The following ANKH variants were observed in gnomAD, a reference collection of about 807,000 sequenced individuals.
ANKH encodes the protein mineralization regulator ANKH.
In ANKH, 15 loss-of-function variants were observed where a neutral mutation model predicts 49.0. That is an observed-to-expected ratio of 0.31 (90% CI 0.20 to 0.47). The LOEUF (loss-of-function observed/expected upper bound fraction) is 0.47, where lower values mean the gene tolerates loss of function less well. Among genes scored for constraint, ANKH ranks in the 20% least tolerant of loss-of-function variants. ANKH has a pLI of 1.00. For synonymous variants in ANKH, 273 were observed against 260.0 expected, an observed-to-expected ratio of 1.05 and a Z score of -0.48; for missense variants, 429 against 652.0, an observed-to-expected ratio of 0.66 and a Z score of 3.72.
chr5:14,741,670 C>T (rs1206613147), intron 8 of ANKH, 157 bp downstream of exon 8: 22 of 644,280 alleles, frequency 3.4e-5, no homozygotes, highest in Middle Eastern at 5.0e-4. Context: ...GAATAACAAT[C>T]GTTCACATTT....
chr5:14,790,253 G>A (rs148482740), intron 1 of ANKH, among the ~76,000 whole-genome samples: 16 of 152,230 alleles, frequency 1.1e-4, no homozygotes, highest in Admixed American at 3.3e-4. Flanking sequence ...GATAAAACAC[G>A]ACATAAACTA....
intron 1 of ANKH, among the ~76,000 whole-genome samples, chr5:14,839,798 G>A (rs1195638705): frequency 2.0e-5 from 3 of 152,088 alleles, no homozygotes; most frequent in Non-Finnish European, 4.4e-5. Flanking sequence ...GTGCATTTGA[G>A]GGTGTCTGTG....
At chr5:14,867,155 C>T (rs1482378389) in intron 1 of ANKH, among the ~76,000 whole-genome samples, 1 of 69,264 alleles carries the variant, frequency 1.4e-5, no homozygotes, top group African/African-American at 4.6e-5. Context: ...GACTCAGTCT[C>T]AAAAAAAAAA....
chr5:14,789,594 G>A lies in ANKH; in HGVS notation c.97-20403C>T, dbSNP rs1265471132. 3.3e-5 allele frequency among the ~76,000 whole-genome samples: 5 copies of A among 151,954 alleles called. No homozygotes were observed. The East Asian group carries it at 9.6e-4, about 29-fold the overall frequency. On this transcript the variant is annotated intron_variant, in intron 1 of 11. Coordinates refer to ENST00000284268, the MANE Select transcript of ANKH (RefSeq NM_054027.6). Reference sequence around the variant, plus strand: ...AGTAAATATTTCTTTCTATTTTATTGAGAATAAAAGGGAATCTCCTAAAAT... The same window carrying A: ...AGTAAATATTTCTTTCTATTTTATTAAGAATAAAAGGGAATCTCCTAAAAT...
At chr5:14,848,372 A>G (rs1265888749) in intron 1 of ANKH, among the ~76,000 whole-genome samples, 2 of 151,824 alleles carry the variant, frequency 1.3e-5, no homozygotes, top group Non-Finnish European at 2.9e-5. Context: ...GGACAATGAT[A>G]GGGATATAAA....
chr5:14,860,352 G>C (rs1735444189), intron 1 of ANKH, among the ~76,000 whole-genome samples: 1 of 152,190 alleles, frequency 6.6e-6, no homozygotes, highest in Non-Finnish European at 1.5e-5. Context: ...ACGAAGAGCT[G>C]AAAGTTACTG....
At chr5:14,820,002 C>T (rs936698384) in intron 1 of ANKH, among the ~76,000 whole-genome samples, 1 of 151,944 alleles carries the variant, frequency 6.6e-6, no homozygotes, top group Non-Finnish European at 1.5e-5. Context: ...GACACATGCC[C>T]ATATATTTTG....
rs1738215760 is a variant in ANKH, at chr5:14,737,235, A to C, written c.1011+4592T>G. On this transcript the variant is annotated intron_variant, in intron 8 of 11. Transcript: ENST00000284268. This position sits in a 1 kb window ranked among gnomAD's most constrained non-coding sequence, Gnocchi z 5.0. ...CACTCTTTTGGGACATTTCTTCCCC[A>C]CCAAAAGGACTGTTGGAAGATACAG... 6.6e-6 allele frequency among the ~76,000 whole-genome samples: 1 copy of C among 152,130 alleles called. No homozygotes were observed. The highest frequency in any genetic ancestry group is 1.5e-5 in the Non-Finnish European group (1 of 68,024).
chr5:14,732,639 G>A (rs1738042304), intron 8 of ANKH, among the ~76,000 whole-genome samples: 1 of 152,100 alleles, frequency 6.6e-6, no homozygotes, highest in Admixed American at 6.5e-5. Context: ...GTCATTCTTT[G>A]CATATAGCAC....
At chr5:14,748,689 G>A (rs979337414) in intron 6 of ANKH, among the ~76,000 whole-genome samples, 8 of 152,248 alleles carry the variant, frequency 5.3e-5, no homozygotes, top group Non-Finnish European at 1.0e-4. Context: ...GGATGGTGAA[G>A]GGCAGGTGAG....
intron 1 of ANKH, among the ~76,000 whole-genome samples, chr5:14,853,881 C>G (rs903316478): frequency 2.0e-5 from 3 of 152,142 alleles, no homozygotes; most frequent in African/African-American, 4.8e-5. Context: ...TAAACATTTA[C>G]TATACACAAA....
intron 1 of ANKH, among the ~76,000 whole-genome samples, chr5:14,816,357 T>C (rs116605505): frequency 6.6e-6 from 1 of 152,188 alleles, no homozygotes; most frequent in African/African-American, 2.4e-5. Context: ...ATGGGTCTAA[T>C]TGTAATTTCT....
intron 1 of ANKH, among the ~76,000 whole-genome samples, chr5:14,822,685 C>A (rs1343673281): frequency 6.6e-6 from 1 of 152,152 alleles, no homozygotes. Context: ...ATATTCAAAT[C>A]CCAGAAATAC....
In ANKH at chr5:14,725,428, C is replaced by G. The variant is rs1442346677; in HGVS notation, c.1012-8593G>C. Among the ~76,000 whole-genome samples the G allele has an allele frequency of 6.6e-6, 1 of 152,244 alleles. No individual in the cohort carries two copies. Among genetic ancestry groups the G allele is most frequent in the Non-Finnish European group, 1.5e-5 (1 of 68,042 alleles). On this transcript the variant is annotated intron_variant, in intron 8 of 11. Transcript: ENST00000284268. This position sits in a 1 kb window ranked among gnomAD's most constrained non-coding sequence, Gnocchi z 4.0. ...AAACAACGCCAGCTGAACTGGACAT[C>G]ATACCTGGTGACCAAGTTGATTCAC...
At chr5:14,771,180 G>T (rs139800096) in intron 1 of ANKH, among the ~76,000 whole-genome samples, 2 of 152,290 alleles carry the variant, frequency 1.3e-5, no homozygotes, top group Non-Finnish European at 2.9e-5. Flanking sequence ...AAAGATTCAA[G>T]AACTAATCTT....
chr5:14,848,523 C>G lies in ANKH; in HGVS notation c.96+22829G>C, dbSNP rs554780836. Among the ~76,000 whole-genome samples the G allele has an allele frequency of 3.7e-4, 56 of 152,312 alleles. No individual in the cohort carries two copies. The South Asian group carries it at 0.011, about 30-fold the overall frequency. ...CGGCTCGAGCTGAGCTTTTGCTCGC[C>G]GTCCGGCACTGATCACCGCCATCGC... is the stretch of plus-strand genomic sequence containing the variant. On this transcript the variant is annotated intron_variant, in intron 1 of 11. Transcript: ENST00000284268.
intron 1 of ANKH, among the ~76,000 whole-genome samples, chr5:14,844,518 G>A (rs1398371822): frequency 6.6e-6 from 1 of 152,196 alleles, no homozygotes; most frequent in African/African-American, 2.4e-5. Context: ...ACTTTGCTAA[G>A]TACTGATGGT....
intron 1 of ANKH, among the ~76,000 whole-genome samples, chr5:14,832,335 T>C (rs543497762): frequency 1.3e-5 from 2 of 152,336 alleles, no homozygotes; most frequent in East Asian, 1.9e-4. Flanking sequence ...TGCAAATAAA[T>C]ATGCTTTCCA....
chr5:14,828,169 T>C (rs1741397609), intron 1 of ANKH, among the ~76,000 whole-genome samples: 1 of 152,178 alleles, frequency 6.6e-6, no homozygotes, highest in African/African-American at 2.4e-5. Flanking sequence ...TCAGCTTGGA[T>C]GCCAGGCAAG....
Sources: gnomAD v4.1 joint callset for allele counts (sites outside exome capture counted in the v4.1 genomes callset) on GRCh38, gnomAD v4.1.1 for gene constraint, Gnocchi (gnomAD v3.1) non-coding constraint, MANE v1.5 for transcripts, NCBI Gene and HGNC (gene_info 2026-07-23, HGNC 2026-07-21) for gene names.